SLC35F3: variants seen among roughly 807,000 people sequenced by gnomAD.
SLC35F3 encodes the protein solute carrier family 35 member F3, also known as putative thiamine transporter SLC35F3.
Under a neutral mutation model 49.9 loss-of-function variants are expected in SLC35F3, and 25 were observed. The observed-to-expected ratio is 0.50, with a 90% CI of 0.37 to 0.70. The LOEUF is 0.70. SLC35F3 is among the 30% of genes least tolerant of loss of function. The probability of loss-of-function intolerance (pLI) is 0.00; values close to 1 mark genes in which losing one functional copy is unlikely to be tolerated. For missense variants in SLC35F3, 525 were observed against 639.8 expected (o/e 0.82, Z 1.94); for synonymous variants, 275 against 265.4 (o/e 1.04, Z -0.35).
At chr1:234,171,219 G>A (rs182599031) in intron 2 of SLC35F3, among the ~76,000 whole-genome samples, 13 of 152,304 alleles carry the variant, frequency 8.5e-5, no homozygotes. Flanking sequence ...TAGCTCTCCA[G>A]GGGATTCTGC....
At chr1:234,223,580 T>C (rs1667241805) in intron 2 of SLC35F3, among the ~76,000 whole-genome samples, 1 of 152,176 alleles carries the variant, frequency 6.6e-6, no homozygotes, top group Admixed American at 6.5e-5. Flanking sequence ...GGCAAACAAA[T>C]ATAAGATAGC....
chr1:233,989,368 C>A (rs1663318445), intron 2 of SLC35F3, among the ~76,000 whole-genome samples: 2 of 152,152 alleles, frequency 1.3e-5, no homozygotes, highest in South Asian at 4.1e-4. Flanking sequence ...GCAAAATCCT[C>A]AGAAATGTTG....
At chr1:233,941,153 G>A (rs1662414489) in intron 2 of SLC35F3, among the ~76,000 whole-genome samples, 2 of 152,172 alleles carry the variant, frequency 1.3e-5, no homozygotes, top group South Asian at 4.1e-4. Flanking sequence ...CCGAGTCTCT[G>A]TGAGCATGCC....
intron 2 of SLC35F3, among the ~76,000 whole-genome samples, chr1:234,016,453 A>G (rs917381709): frequency 5.9e-5 from 9 of 152,216 alleles, no homozygotes; most frequent in Non-Finnish European, 1.2e-4. Context: ...ATGATGAGGT[A>G]CTATTCAGTC....
At chr1:234,095,072 C>G (rs929303845) in intron 2 of SLC35F3, among the ~76,000 whole-genome samples, 2 of 152,332 alleles carry the variant, frequency 1.3e-5, no homozygotes, top group Admixed American at 6.5e-5. Context: ...CCTGAGAAGT[C>G]TGAATCCTCA....
intron 2 of SLC35F3, among the ~76,000 whole-genome samples, chr1:233,975,933 T>C (rs1388523605): frequency 6.6e-6 from 1 of 152,132 alleles, no homozygotes; most frequent in East Asian, 1.9e-4. Flanking sequence ...ACGTATGGTG[T>C]GTGTTTTATA....
At chr1:234,131,821 G>C (rs914737235) in intron 2 of SLC35F3, among the ~76,000 whole-genome samples, 1 of 152,190 alleles carries the variant, frequency 6.6e-6, no homozygotes, top group Admixed American at 6.5e-5. Context: ...CTGGGAGCCA[G>C]GCGTGTATTA....
intron 2 of SLC35F3, among the ~76,000 whole-genome samples, chr1:234,175,766 C>T (rs569323324): frequency 6.6e-6 from 1 of 152,126 alleles, no homozygotes; most frequent in Non-Finnish European, 1.5e-5. Context: ...GAGCTCAGCT[C>T]TCTGCAGAGG....
At chr1:233,959,522 A>C (rs1662759068) in intron 2 of SLC35F3, among the ~76,000 whole-genome samples, 2 of 152,166 alleles carry the variant, frequency 1.3e-5, no homozygotes, top group African/African-American at 2.4e-5. Flanking sequence ...ATTTTTTTTC[A>C]GTAACAGTAG....
chr1:234,195,455 G>T (rs1666792540), intron 2 of SLC35F3, among the ~76,000 whole-genome samples: 1 of 152,148 alleles, frequency 6.6e-6, no homozygotes, highest in Non-Finnish European at 1.5e-5. Context: ...AAGGCTCAAG[G>T]CATGTGGGGT....
At chr1:234,106,909 C>A (rs1393036752) in intron 2 of SLC35F3, among the ~76,000 whole-genome samples, 2 of 152,212 alleles carry the variant, frequency 1.3e-5, no homozygotes, top group Non-Finnish European at 2.9e-5. Context: ...ACCAAACCAA[C>A]CCTGGAGCTA....
chr1:234,232,854 C>A (rs1417711236), intron 3 of SLC35F3, among the ~76,000 whole-genome samples: 2 of 152,170 alleles, frequency 1.3e-5, no homozygotes, highest in East Asian at 3.8e-4. Context: ...CCATGTTGTT[C>A]CTGTAAACTT....
At chr1:234,293,659 GAGAC>G in intron 3 of SLC35F3, among the ~76,000 whole-genome samples, 1 of 76,350 alleles carries the variant, frequency 1.3e-5, no homozygotes, top group African/African-American at 5.7e-5. Context: ...GAGAGAAAGA[GAGAC>G]AGACATACCC....
intron 2 of SLC35F3, among the ~76,000 whole-genome samples, chr1:233,913,654 T>G (rs1661921838): frequency 1.3e-5 from 2 of 152,214 alleles, no homozygotes; most frequent in African/African-American, 4.8e-5. Context: ...CTCAGGCACA[T>G]ACACAAATGG....
intron 2 of SLC35F3, among the ~76,000 whole-genome samples, chr1:234,112,993 C>A: frequency 6.6e-6 from 1 of 151,512 alleles, no homozygotes; most frequent in South Asian, 2.1e-4. Flanking sequence ...TCGCTCAAGC[C>A]CAGTAGTTTG....
Position 234,105,125 on chromosome 1 carries a change from T to TAA in SLC35F3, c.284-126275_284-126274dup, listed in dbSNP as rs4027096. The stretch of plus-strand genomic sequence containing the variant: ...CCTGGGCGACAATGTGAGACTCCGT[T>TAA]AAAAAAAAAAAAAAAAAACCTTTGG... On this transcript the variant is annotated intron_variant, in intron 2 of 7. Coordinates refer to ENST00000366618, the MANE Select transcript of SLC35F3 (RefSeq NM_173508.4). 2.0e-3 allele frequency among the ~76,000 whole-genome samples: 259 copies of TAA among 130,404 alleles called. 6 individuals carry two copies. Among genetic ancestry groups the TAA allele is most frequent in the South Asian group, 0.014 (53 of 3,900 alleles). The allele number at this position is 130,404 out of a possible 152,430, so 85.6% of individuals were successfully genotyped here. A position where few individuals can be genotyped will look rare whatever the true frequency, so the allele number is the denominator to read the frequency against.
At chr1:234,048,611 C>A (rs984357787) in intron 2 of SLC35F3, among the ~76,000 whole-genome samples, 3 of 65,142 alleles carry the variant, frequency 4.6e-5, no homozygotes, top group African/African-American at 2.4e-4. Flanking sequence ...GCCACTACCA[C>A]AGTTTCACTG....
At chr1:234,021,727 CT>C (rs1433770084) in intron 2 of SLC35F3, among the ~76,000 whole-genome samples, 1 of 152,208 alleles carries the variant, frequency 6.6e-6, no homozygotes, top group East Asian at 1.9e-4. Flanking sequence ...TGCAACCTCC[CT>C]TTCCTTACCA....
chr1:234,115,756 G>A (rs1665476780), intron 2 of SLC35F3, among the ~76,000 whole-genome samples: 1 of 152,110 alleles, frequency 6.6e-6, no homozygotes, highest in Admixed American at 6.5e-5. Flanking sequence ...AAATATCTCA[G>A]TGTGTATTTT....
Sources: gnomAD v4.1 joint callset for allele counts (sites outside exome capture counted in the v4.1 genomes callset) on GRCh38, gnomAD v4.1.1 for gene constraint, MANE v1.5 for transcripts, NCBI Gene and HGNC (gene_info 2026-07-23, HGNC 2026-07-21) for gene names.